Variants in IRAK1BP1 observed in about 807,000 individuals in gnomAD.
IRAK1BP1 encodes interleukin-1 receptor-associated kinase 1-binding protein 1.
Under a neutral mutation model 28.0 loss-of-function variants are expected in IRAK1BP1, and 24 were observed. The ratio of observed to expected loss-of-function variants is 0.86; its 90% CI spans 0.62 to 1.20. The LOEUF (loss-of-function observed/expected upper bound fraction) is 1.20. Ranked by LOEUF, IRAK1BP1 falls within the 50% of genes most tolerant of loss-of-function variation. The pLI is 0.00. For missense variants in IRAK1BP1, 336 were observed against 316.7 expected (o/e 1.06, Z -0.46); for synonymous variants, 131 against 116.3 (o/e 1.13, Z -0.81).
chr6:78,907,877 G>A (rs1177451573), downstream of IRAK1BP1, among the ~76,000 whole-genome samples: 1 of 151,094 alleles, frequency 6.6e-6, no homozygotes, highest in Non-Finnish European at 1.5e-5. Context: ...ATGCCTCCAG[G>A]CCCAGCTAAT....
At chr6:78,888,713 C>G (rs1423170115) in intron 2 of IRAK1BP1, among the ~76,000 whole-genome samples, 3 of 151,938 alleles carry the variant, frequency 2.0e-5, no homozygotes, top group African/African-American at 7.2e-5. Flanking sequence ...ACCATGTTGG[C>G]CAGGCTGGTC....
chr6:78,918,539 T>C (rs921606658), intron 4 of IRAK1BP1, among the ~76,000 whole-genome samples: 11 of 140,310 alleles, frequency 7.8e-5, no homozygotes, highest in African/African-American at 3.0e-4. Flanking sequence ...GAGGTCATGG[T>C]TGTTATATCA....
chr6:78,867,965 C>A, intron 1 of IRAK1BP1, 74 bp downstream of exon 1: 1 of 1,428,688 alleles, frequency 7.0e-7, no homozygotes, highest in Non-Finnish European at 9.3e-7. Context: ...GCCCCACAGG[C>A]CCCCCTAGCG....
the IRAK1BP1 span, among the ~76,000 whole-genome samples, chr6:78,970,341 T>C: frequency 9.2e-5 from 14 of 152,156 alleles, no homozygotes; most frequent in African/African-American, 3.4e-4. Flanking sequence ...GTGCACTTTA[T>C]AGTATGCAAG....
At chr6:78,886,498 G>A (rs189671952) in intron 2 of IRAK1BP1, among the ~76,000 whole-genome samples, 106 of 152,212 alleles carry the variant, frequency 7.0e-4, no homozygotes, top group African/African-American at 2.5e-3. Flanking sequence ...TTTCAAAACA[G>A]TATGAAGAGC....
intron 4 of IRAK1BP1, chr6:78,940,548 G>GTTGT (rs1773438495): frequency 1.2e-5 from 1 of 82,672 alleles, no homozygotes; most frequent in African/African-American, 5.7e-5. Flanking sequence ...TCGTAAGTTT[G>GTTGT]TTTTTTTTTT....
intron 4 of IRAK1BP1, among the ~76,000 whole-genome samples, chr6:78,943,456 C>G (rs1250095622): frequency 6.6e-6 from 1 of 152,130 alleles, no homozygotes; most frequent in East Asian, 1.9e-4. Flanking sequence ...GGCCAATATA[C>G]TATTCAAACT....
downstream of IRAK1BP1, among the ~76,000 whole-genome samples, chr6:78,907,747 TCTCA>T (rs1562093450): frequency 2.6e-5 from 4 of 151,844 alleles, no homozygotes; most frequent in Non-Finnish European, 4.4e-5. Flanking sequence ...TGAGACAGAG[TCTCA>T]CTCTGTCACC....
At chr6:78,960,920 G>A in the IRAK1BP1 span, among the ~76,000 whole-genome samples, 1 of 152,150 alleles carries the variant, frequency 6.6e-6, no homozygotes, top group East Asian at 1.9e-4. Context: ...TAACGGAAAG[G>A]ACTTCAGTAA....
chr6:78,916,903 C>T (rs1232584796), intron 4 of IRAK1BP1, among the ~76,000 whole-genome samples: 1 of 151,942 alleles, frequency 6.6e-6, no homozygotes, highest in Non-Finnish European at 1.5e-5. Context: ...AGGAATGTGC[C>T]ATTGCACTCC....
chr6:78,917,105 A>T (rs1377322593), intron 4 of IRAK1BP1, among the ~76,000 whole-genome samples: 1 of 152,122 alleles, frequency 6.6e-6, no homozygotes, highest in Non-Finnish European at 1.5e-5. Context: ...ACAGATCAAG[A>T]TTTCAAAGCA....
At chr6:78,875,169 A>G (rs1770952164) in intron 1 of IRAK1BP1, among the ~76,000 whole-genome samples, 1 of 152,226 alleles carries the variant, frequency 6.6e-6, no homozygotes. Flanking sequence ...ATGCAAATCA[A>G]AACCACAGTG....
chr6:78,958,353 G>A, the IRAK1BP1 span: 1 of 625,466 alleles, frequency 1.6e-6, no homozygotes, highest in Non-Finnish European at 2.8e-6. Context: ...TCTCCCAGCT[G>A]AGCTATTTTG....
At chr6:78,951,837 C>T in the IRAK1BP1 span, among the ~76,000 whole-genome samples, 3 of 152,140 alleles carry the variant, frequency 2.0e-5, no homozygotes, top group Non-Finnish European at 4.4e-5. Flanking sequence ...GTGCACTGGA[C>T]ATAAGGGATA....
At chr6:78,963,187 A>T in the IRAK1BP1 span, 1 of 1,611,438 alleles carries the variant, frequency 6.2e-7, no homozygotes, top group Middle Eastern at 1.7e-4. Flanking sequence ...AGAGGTTTAT[A>T]GATTAGTGAT....
exon 5 of IRAK1BP1, chr6:78,946,077 A>G: frequency 6.2e-7 from 1 of 1,612,998 alleles, no homozygotes; most frequent in Middle Eastern, 1.7e-4. Context: ...ATGGTTGCTC[A>G]GTGACAACTG....
chr6:78,932,860 C>CA (rs1179189966), intron 4 of IRAK1BP1, among the ~76,000 whole-genome samples: 8 of 152,132 alleles, frequency 5.3e-5, no homozygotes, highest in Non-Finnish European at 1.2e-4. Context: ...CTTGGGTGAC[C>CA]AGGTTGTCAA....
intron 4 of IRAK1BP1, chr6:78,935,392 G>T: frequency 2.2e-6 from 1 of 460,548 alleles, no homozygotes; most frequent in African/African-American, 2.1e-5. Flanking sequence ...CAATAAAAAT[G>T]CATGCCAATC....
chr6:78,952,982 T>C, the IRAK1BP1 span, among the ~76,000 whole-genome samples: 2 of 152,158 alleles, frequency 1.3e-5, no homozygotes, highest in Non-Finnish European at 2.9e-5. Context: ...AGGGTACTAA[T>C]ATTTTCATTT....
Sources: allele counts gnomAD v4.1 joint callset (sites outside exome capture counted in the v4.1 genomes callset), GRCh38; gene constraint gnomAD v4.1.1; transcripts MANE v1.5; gene names NCBI Gene and HGNC (gene_info 2026-07-23, HGNC 2026-07-21).